WRAP53: variants seen among roughly 807,000 people sequenced by gnomAD.
WRAP53 encodes the protein telomerase Cajal body protein 1.
A neutral mutation model predicts 56.6 loss-of-function variants in WRAP53; 28 were observed. The ratio of observed to expected loss-of-function variants is 0.50; its 90% confidence interval spans 0.37 to 0.68. WRAP53 has a LOEUF of 0.68. Ranked by LOEUF, WRAP53 falls within the 30% of genes least tolerant of loss-of-function variation. The pLI is 0.00. For missense variants in WRAP53, 671 were observed against 715.5 expected (o/e 0.94, Z 0.71); for synonymous variants, 283 against 283.4 (o/e 1.00, Z 0.01).
chr17:7,700,658 A>G (rs2074261437), intron 4 of WRAP53, 83 bp from the exon 5 acceptor site: 1 of 891,294 alleles, frequency 1.1e-6, no homozygotes, highest in African/African-American at 1.6e-5. Flanking sequence ...TATACACCCC[A>G]TCTGCCACAA....
In WRAP53 at chr17:7,701,521, G is replaced by A. The variant is rs752066677; in HGVS notation, c.794G>A (p.Arg265Gln). 13 of 1,614,232 alleles carry A rather than the reference G, an allele frequency of 8.1e-6. No homozygotes were observed. The highest frequency in any genetic ancestry group is 5.0e-5 in the Admixed American group (3 of 60,024). Residue 265 changes from arginine (R) to glutamine (Q), a missense_variant, in exon 6 of 11, where the codon CGG becomes CAG. Transcript: ENST00000396463. This position sits in a 1 kb window ranked among gnomAD's most constrained non-coding sequence, Gnocchi z 4.2. The part of the protein sequence containing the change: ...HIWDAFTGEL[R>Q]ASFRAYNHLD... ...TGGGACGCATTCACTGGAGAGCTCC[G>A]GGCTTCCTTTCGCGCCTACAACCAC...
At chr17:7,699,476 T>TTTTATATATATATATA (rs1491298527) in intron 4 of WRAP53, among the ~76,000 whole-genome samples, 1 of 11,400 alleles carries the variant, frequency 8.8e-5, no homozygotes. Flanking sequence ...ATATATATAT[T>TTTTATATATATATATA]TATATATATA....
intron 4 of WRAP53, among the ~76,000 whole-genome samples, chr17:7,692,664 A>C (rs1597408661): frequency 2.5e-4 from 31 of 122,704 alleles, no homozygotes; most frequent in African/African-American, 5.1e-4. Context: ...GTTTTCTCCC[A>C]CCCATCCTAA....
rs967391051 is a variant in WRAP53 at position 7,688,503 on chromosome 17, C to G, written c.-60C>G. The G allele has an allele frequency of 3.6e-6, 3 of 822,870 alleles. No homozygotes were observed. Among genetic ancestry groups the G allele is most frequent in the South Asian group, 3.5e-5 (2 of 57,774 alleles). The allele number at this position is 822,870 out of a possible 1,614,324, so 51.0% of individuals were successfully genotyped here. On this transcript the variant is annotated 5_prime_UTR_variant, in exon 1 of 11. Transcript: ENST00000396463. ...GTGCTTTCAAAAGAATTGGCGTCCG[C>G]TGTTCGCCTCTCCTCCCGGGAGTCT...
At chr17:7,699,476 T>TTTTATATA (rs1491298527) in intron 4 of WRAP53, among the ~76,000 whole-genome samples, 4 of 11,396 alleles carry the variant, frequency 3.5e-4, no homozygotes, top group Admixed American at 1.3e-3. Flanking sequence ...ATATATATAT[T>TTTTATATA]TATATATATA....
chr17:7,697,208 C>G (rs1186406169), intron 4 of WRAP53, among the ~76,000 whole-genome samples: 1 of 151,666 alleles, frequency 6.6e-6, no homozygotes, highest in Non-Finnish European at 1.5e-5. Context: ...GTAATCCCAG[C>G]TACTCAGGAG....
Position 7,702,876 on chromosome 17 carries a change from G to A in WRAP53, c.1268+30G>A. The A allele has an allele frequency of 4.3e-6, 7 of 1,613,254 alleles. No individual in the cohort carries two copies. Among genetic ancestry groups the A allele is most frequent in the Non-Finnish European group, 5.9e-6 (7 of 1,179,816 alleles). On this transcript the variant is annotated intron_variant, in intron 9 of 10. Transcript: ENST00000396463. The surrounding 1 kb of genome is among the most constrained non-coding windows in gnomAD (Gnocchi z 5.0). ...GTGGCTGTGACTCCTTCCTACACAG[G>A]GCCCTGATAAGCCTAGGAATGCCAG...
rs776212278 is a variant in WRAP53 at position 7,701,754 on chromosome 17, G to A, written c.920G>A (p.Arg307Gln). 7.4e-6 allele frequency: 12 copies of A among 1,614,114 alleles called. No homozygotes were observed. The highest frequency in any genetic ancestry group is 6.7e-5 in the East Asian group (3 of 44,886). Residue 307 changes from arginine to glutamine, a missense_variant, in exon 7 of 11, where the codon CGG (arginine) becomes CAG (glutamine). Physicochemically the swap from Arg to Gln is conservative, Grantham distance 43. Transcript: ENST00000396463. The surrounding 1 kb of genome is among the most constrained non-coding windows in gnomAD (Gnocchi z 4.2). ...ACTGTGCGTGTTTTTTCCACGGCCC[G>A]GCCTGGCCGAGACTGCGAGGTCCGA... ...NRTVRVFSTA[R>Q]PGRDCEVRAT...
rs1186698130 is a variant in WRAP53 at position 7,697,664 on chromosome 17, GA to G, written c.643-3068del. On this transcript the variant is annotated intron_variant, in intron 4 of 10. Transcript: ENST00000396463. ...ACAGAGAAAGACTCTGTCTCAAAAA[GA>G]AAAAAAAAGAAAAAGAAAATGGGCA... 4.7e-5 allele frequency among the ~76,000 whole-genome samples: 7 copies of G among 147,926 alleles called. No individual in the cohort carries two copies. The South Asian group carries it at 1.3e-3, about 27-fold the overall frequency.
At position 7,689,237 on chromosome 17, in the gene WRAP53, A is replaced by T. The variant is rs369563538; in HGVS notation, c.445A>T (p.Ser149Cys). ...EDEGDTAWNY[S>C]FSQLPRFLSG... ...TCTTCCTTTCAGCGCTTGGAACTAC[A>T]GCTTCTCCCAGCTGCCTCGATTTCT... is the stretch of plus-strand genomic sequence containing the variant. Residue 149 changes from serine (S) to cysteine (C), a missense_variant, in exon 3 of 11, where the codon AGC (serine) becomes TGC (cysteine). Transcript: ENST00000396463. 6.2e-7 allele frequency: 1 copy of T among 1,613,402 alleles called. No individual in the cohort carries two copies. The highest frequency in any genetic ancestry group is 1.3e-5 in the African/African-American group (1 of 74,744).
chr17:7,689,778 C>T, intron 4 of WRAP53, 77 bp downstream of exon 4: 1 of 1,195,628 alleles, frequency 8.4e-7, no homozygotes, highest in East Asian at 2.4e-5. Flanking sequence ...AAGTGTAGTC[C>T]AAGTGTTTCC....
In WRAP53 at chr17:7,703,023, G is replaced by A. The variant is rs1270124439; in HGVS notation, c.1299G>A (p.Thr433=). ...GGCAGTTCCTAGTGAGTGGCAGCACGAGCGGGGCTGTCTCTGTGTGGGACA... is the reference window on the plus strand; with the variant it reads ...GGCAGTTCCTAGTGAGTGGCAGCACAAGCGGGGCTGTCTCTGTGTGGGACA... The part of the protein sequence containing the change: ...PTGQFLVSGS[T]SGAVSVWDTD... The change falls in exon 10 of 11, where the codon ACG becomes ACA. Residue 433 remains threonine (T), a synonymous_variant. Transcript: ENST00000396463. 3.1e-6 allele frequency: 5 copies of A among 1,614,058 alleles called. No homozygotes were observed. The highest frequency in any genetic ancestry group is 2.2e-5 in the South Asian group (2 of 91,088).
At chr17:7,690,968 G>A (rs2074099687) in intron 4 of WRAP53, among the ~76,000 whole-genome samples, 1 of 148,348 alleles carries the variant, frequency 6.7e-6, no homozygotes, top group South Asian at 2.1e-4. Flanking sequence ...CCAGCACTTT[G>A]GGAGGCTGAG....
At chr17:7,687,500 A>G (rs1257115108), upstream of WRAP53, 1 of 398,478 alleles carries the variant, frequency 2.5e-6, no homozygotes, top group East Asian at 3.6e-5. Context: ...GAAGCTCAAA[A>G]CTTTTAGCGC....
chr17:7,703,457 A>C lies in WRAP53; in HGVS notation c.1618A>C (p.Thr540Pro). The change falls in exon 11 of 11, where the codon ACG (threonine) becomes CCG (proline). Residue 540 changes from threonine to proline, a missense_variant. Thr to Pro is a conservative substitution (Grantham distance 38). This residue lies in a region of WRAP53 where 107 missense variants were observed against 81.3 expected (regional missense o/e 1.32). Transcript: ENST00000396463. Reference protein sequence around the residue: ...DHQGEKGQGGTEGGVGELI With the variant: ...DHQGEKGQGGPEGGVGELI ...CCAGGGCGAGAAAGGGCAGGGAGGA[A>C]CGGAGGGAGGTGTGGGTGAGCTGAT... The C allele has an allele frequency of 6.3e-7, 1 of 1,588,694 alleles. No homozygotes were observed. The highest frequency in any genetic ancestry group is 8.6e-7 in the Non-Finnish European group (1 of 1,166,776).
At chr17:7,688,070 A>G (rs1860149281), upstream of WRAP53, 1 of 160,602 alleles carries the variant, frequency 6.2e-6, no homozygotes, top group African/African-American at 2.4e-5. Flanking sequence ...GAGTGCCTAT[A>G]TCAGTGCTGG....
Position 7,702,217 on chromosome 17 carries a change from A to G in WRAP53, c.956-127A>G. 1 of 1,029,914 alleles carries G rather than the reference A, an allele frequency of 9.7e-7. No homozygotes were observed. The allele number at this position is 1,029,914 out of a possible 1,614,324, so 63.8% of individuals were successfully genotyped here. On this transcript the variant is annotated intron_variant, in intron 7 of 10. Coordinates refer to ENST00000396463, the MANE Select transcript of WRAP53 (RefSeq NM_001143992.2). The surrounding 1 kb of genome is among the most constrained non-coding windows in gnomAD (Gnocchi z 5.0). ...ATCAGAGGTCTTTGTCCTGCTTGTGACAGACAGCATGGGGGGGATGTTGAG... is the reference window on the plus strand; with the variant it reads ...ATCAGAGGTCTTTGTCCTGCTTGTGGCAGACAGCATGGGGGGGATGTTGAG...
chr17:7,700,869 C>T (rs754204126), intron 5 of WRAP53, 40 bp downstream of exon 5: 7 of 1,453,718 alleles, frequency 4.8e-6, no homozygotes, highest in Non-Finnish European at 6.8e-6. Flanking sequence ...CCCCACCACC[C>T]AGTTTCAAGC....
rs1405299430 is a variant in WRAP53, at chr17:7,688,481, C to G, written c.-82C>G. ...ACCCGCGGTGCTAAGGAACACAGTG[C>G]TTTCAAAAGAATTGGCGTCCGCTGT... On this transcript the variant is annotated 5_prime_UTR_variant, in exon 1 of 11. Transcript: ENST00000396463. 1.4e-6 allele frequency: 1 copy of G among 714,900 alleles called. No homozygotes were observed. Among genetic ancestry groups the G allele is most frequent in the Non-Finnish European group, 2.3e-6 (1 of 437,890 alleles). 44.3% of individuals were successfully genotyped at this position (714,900 alleles called of 1,614,324 possible).
Sources: gnomAD v4.1 joint callset for allele counts (sites outside exome capture counted in the v4.1 genomes callset) on GRCh38, gnomAD v4.1.1 for gene constraint, gnomAD v4.1.1 regional missense constraint, Gnocchi (gnomAD v3.1) non-coding constraint, MANE v1.5 for transcripts, NCBI Gene and HGNC (gene_info 2026-07-23, HGNC 2026-07-21) for gene names.